BACH1: variants seen among roughly 807,000 people sequenced by gnomAD.
BACH1 encodes BTB domain and CNC homolog 1, also known as transcription regulator protein BACH1.
Under a neutral mutation model 52.9 loss-of-function variants are expected in BACH1, and 35 were observed. The ratio of observed to expected loss-of-function variants is 0.66; its 90% CI spans 0.51 to 0.88. The LOEUF is 0.88. Among genes scored for constraint, BACH1 ranks in the 40% least tolerant of loss-of-function variants. The pLI is 0.00. For synonymous variants in BACH1, 321 were observed against 319.6 expected (o/e 1.00, Z -0.05); for missense variants, 808 against 872.6 (o/e 0.93, Z 0.93).
intron 1 of BACH1, among the ~76,000 whole-genome samples, chr21:29,301,322 T>C (rs1258464667): frequency 6.6e-6 from 1 of 152,238 alleles, no homozygotes; most frequent in African/African-American, 2.4e-5. Context: ...CGTGTATTCA[T>C]ATTATATAAT....
At chr21:29,306,613 C>G (rs200631184) in intron 1 of BACH1, among the ~76,000 whole-genome samples, 6 of 152,084 alleles carry the variant, frequency 3.9e-5, no homozygotes, top group Admixed American at 3.9e-4. Context: ...AGAGTAGATA[C>G]GTGAGCACAG....
intron 1 of BACH1, among the ~76,000 whole-genome samples, chr21:29,318,887 T>C (rs1422648209): frequency 2.0e-5 from 3 of 152,184 alleles, no homozygotes; most frequent in Non-Finnish European, 4.4e-5. Context: ...AAGCATAACC[T>C]TTTAGTCATA....
rs769022888 is a variant in BACH1 at position 29,326,864 on chromosome 21, C to G, written c.1040C>G (p.Thr347Arg). ...GGTATGCAAAACACAACAGTGTTAA[C>G]AGAAAAGCCTTTGTCAGGTACAGAC... ...FAGMQNTTVL[T>R]EKPLSGTDVQ... The change falls in exon 3 of 5, where the codon ACA (threonine) becomes AGA (arginine). Residue 347 changes from threonine to arginine, a missense_variant. Physicochemically the swap from Thr to Arg is moderately conservative, Grantham distance 71. Transcript: ENST00000286800. 1 of 1,614,148 alleles carries G rather than the reference C, an allele frequency of 6.2e-7. No individual in the cohort carries two copies. The highest frequency in any genetic ancestry group is 8.5e-7 in the Non-Finnish European group (1 of 1,180,030).
chr21:29,357,540 A>G (rs1219200033), intron 2 of BACH1, among the ~76,000 whole-genome samples: 2 of 152,282 alleles, frequency 1.3e-5, no homozygotes, highest in Admixed American at 6.5e-5. Context: ...GGCACCTAGT[A>G]TGCCATTTAC....
At chr21:29,338,888 T>C (rs571348298) in intron 4 of BACH1, among the ~76,000 whole-genome samples, 62 of 152,198 alleles carry the variant, frequency 4.1e-4, no homozygotes, top group Non-Finnish European at 8.2e-4. Context: ...TCTACTCTTA[T>C]TATCCATCCT....
chr21:29,337,057 G>A (rs548237881), intron 4 of BACH1, among the ~76,000 whole-genome samples: 14 of 152,226 alleles, frequency 9.2e-5, no homozygotes, highest in African/African-American at 3.4e-4. Flanking sequence ...CAATTTGTTA[G>A]GATAAGTAAT....
Position 29,329,611 on chromosome 21 carries a change from G to A in BACH1, c.1694G>A (p.Ser565Asn), listed in dbSNP as rs774134757. The A allele has an allele frequency of 1.9e-6, 3 of 1,605,620 alleles. No homozygotes were observed. Among genetic ancestry groups the A allele is most frequent in the Non-Finnish European group, 2.5e-6 (3 of 1,177,050 alleles). Reference protein sequence around the residue: ...LDCIHDIRRRSKNRIAAQRCR... With the variant: ...LDCIHDIRRRNKNRIAAQRCR... Reference sequence around the variant, plus strand: ...TGTATCCATGATATTCGAAGAAGAAGTAAAAACAGAATTGCTGCACAGCGC... The same window carrying A: ...TGTATCCATGATATTCGAAGAAGAAATAAAAACAGAATTGCTGCACAGCGC... Residue 565 changes from serine to asparagine, a missense_variant, in exon 4 of 5, where the codon AGT becomes AAT. Coordinates refer to ENST00000286800, the MANE Select transcript of BACH1 (RefSeq NM_001186.4).
downstream of BACH1, chr21:29,346,158 A>ACATT (rs1267609214): frequency 6.6e-6 from 1 of 152,236 alleles, no homozygotes; most frequent in Non-Finnish European, 1.5e-5. Flanking sequence ...ATAGAATTGT[A>ACATT]CATTCCATTT....
chr21:29,350,182 T>C (rs1414991803), downstream of BACH1, among the ~76,000 whole-genome samples: 1 of 152,158 alleles, frequency 6.6e-6, no homozygotes, highest in African/African-American at 2.4e-5. Context: ...CAATCGAAGG[T>C]AAAATGTCAC....
At chr21:29,320,047 TA>T in intron 1 of BACH1, among the ~76,000 whole-genome samples, 1 of 152,344 alleles carries the variant, frequency 6.6e-6, no homozygotes, top group African/African-American at 2.4e-5. Context: ...GCTGAATCAG[TA>T]AATAAGTTGT....
At chr21:29,331,817 C>A (rs1397661925) in intron 4 of BACH1, among the ~76,000 whole-genome samples, 1 of 152,072 alleles carries the variant, frequency 6.6e-6, no homozygotes, top group Non-Finnish European at 1.5e-5. Context: ...TAGAACAATG[C>A]CTGGCACGTA....
At chr21:29,358,774 G>GAAAGA (rs1569028791) in intron 2 of BACH1, among the ~76,000 whole-genome samples, 1 of 72,304 alleles carries the variant, frequency 1.4e-5, no homozygotes, top group South Asian at 4.4e-4. Context: ...GAAAAGAAAA[G>GAAAGA]AAAGAAAGAA....
chr21:29,323,502 A>G (rs183297770), intron 2 of BACH1, among the ~76,000 whole-genome samples: 177 of 152,314 alleles, frequency 1.2e-3, no homozygotes, highest in Admixed American at 3.6e-3. Context: ...TGAAAGCTGG[A>G]AGACTCAGCA....
At chr21:29,324,126 C>T (rs2088880497) in intron 2 of BACH1, among the ~76,000 whole-genome samples, 1 of 151,648 alleles carries the variant, frequency 6.6e-6, no homozygotes, top group African/African-American at 2.4e-5. Flanking sequence ...GTGGCGGGCA[C>T]CTGTAATCCC....
chr21:29,318,660 C>G (rs1182883660), intron 1 of BACH1, among the ~76,000 whole-genome samples: 1 of 152,098 alleles, frequency 6.6e-6, no homozygotes, highest in Non-Finnish European at 1.5e-5. Flanking sequence ...GAGTAGTCAG[C>G]CAGCTGGTGG....
rs2088918788 is a variant in BACH1 at position 29,326,857 on chromosome 21, G to A, written c.1033G>A (p.Val345Met). The part of the protein sequence containing the change: ...LNFAGMQNTT[V>M]LTEKPLSGTD... Reference sequence around the variant, plus strand: ...TTTTGCTGGTATGCAAAACACAACAGTGTTAACAGAAAAGCCTTTGTCAGG... The same window carrying A: ...TTTTGCTGGTATGCAAAACACAACAATGTTAACAGAAAAGCCTTTGTCAGG... The change falls in exon 3 of 5, where the codon GTG becomes ATG. Residue 345 changes from valine (V) to methionine (M), a missense_variant. Physicochemically the swap from Val to Met is conservative, Grantham distance 21. Transcript: ENST00000286800. 2 of 1,614,184 alleles carry A rather than the reference G, an allele frequency of 1.2e-6. No individual in the cohort carries two copies. The highest frequency in any genetic ancestry group is 1.7e-6 in the Non-Finnish European group (2 of 1,180,040).
At chr21:29,351,878 A>G (rs562453942) in intron 2 of BACH1, 49 of 411,520 alleles carry the variant, frequency 1.2e-4, no homozygotes, top group South Asian at 8.3e-4. Flanking sequence ...GGCCTGGGAG[A>G]GCAGACAGCT....
intron 1 of BACH1, among the ~76,000 whole-genome samples, chr21:29,313,897 T>G (rs984826715): frequency 4.6e-5 from 7 of 152,202 alleles, no homozygotes; most frequent in East Asian, 3.9e-4. Flanking sequence ...GGGGGGGTGG[T>G]GGTGGTTTTA....
intron 4 of BACH1, among the ~76,000 whole-genome samples, chr21:29,339,267 T>C (rs1010130597): frequency 6.6e-6 from 1 of 152,244 alleles, no homozygotes; most frequent in Non-Finnish European, 1.5e-5. Context: ...GTCCACACCC[T>C]CAGTCAAGAT....
Sources: allele counts gnomAD v4.1 joint callset (sites outside exome capture counted in the v4.1 genomes callset), GRCh38; gene constraint gnomAD v4.1.1; transcripts MANE v1.5; gene names NCBI Gene and HGNC (gene_info 2026-07-23, HGNC 2026-07-21).